Variants in PPP4R2 observed in about 807,000 individuals in gnomAD.
The protein encoded by PPP4R2 is protein phosphatase 4 regulatory subunit 2.
PPP4R2 carries 13 observed loss-of-function variants against 47.2 expected under a neutral mutation model. The ratio of observed to expected loss-of-function variants is 0.28; its 90% CI spans 0.18 to 0.44. PPP4R2 has a LOEUF of 0.44. Ranked by LOEUF, PPP4R2 falls within the 20% of genes least tolerant of loss-of-function variation. The pLI, the probability that PPP4R2 is intolerant of heterozygous loss-of-function variation, is 1.00. For synonymous variants in PPP4R2, 151 were observed against 163.3 expected (o/e 0.92, Z 0.57); for missense variants, 421 against 491.2 (o/e 0.86, Z 1.35).
chr3:73,050,463 A>G (rs1414973992), intron 3 of PPP4R2, among the ~76,000 whole-genome samples: 3 of 151,972 alleles, frequency 2.0e-5, no homozygotes, highest in Admixed American at 1.3e-4. Context: ...TTATATATAT[A>G]TAGTTTTTTA....
chr3:73,006,181 T>G (rs1249926679), intron 2 of PPP4R2, among the ~76,000 whole-genome samples: 2 of 145,880 alleles, frequency 1.4e-5, no homozygotes, highest in Non-Finnish European at 3.0e-5. Flanking sequence ...ATCGTATGAA[T>G]ATGCCACAAT....
intron 2 of PPP4R2, among the ~76,000 whole-genome samples, chr3:73,019,076 T>G (rs1701907208): frequency 6.6e-6 from 1 of 152,200 alleles, no homozygotes; most frequent in Non-Finnish European, 1.5e-5. Flanking sequence ...TATATGATGG[T>G]GGTCCTATAA....
At chr3:73,033,681 A>G (rs140771595) in intron 2 of PPP4R2, among the ~76,000 whole-genome samples, 2 of 152,324 alleles carry the variant, frequency 1.3e-5, no homozygotes, top group Non-Finnish European at 2.9e-5. Flanking sequence ...CCCATTAAAC[A>G]ATAATGACCA....
At chr3:73,043,129 ATTAAT>A (rs1479311562) in intron 2 of PPP4R2, among the ~76,000 whole-genome samples, 2 of 152,210 alleles carry the variant, frequency 1.3e-5, no homozygotes, top group Middle Eastern at 3.2e-3. Flanking sequence ...ACAAAAAATT[ATTAAT>A]TTAAGAAATG....
chr3:73,030,329 A>G (rs149677609), intron 2 of PPP4R2, among the ~76,000 whole-genome samples: 3 of 152,328 alleles, frequency 2.0e-5, no homozygotes, highest in Non-Finnish European at 4.4e-5. Context: ...GTACATGTAC[A>G]TGACAGTAGG....
intron 3 of PPP4R2, among the ~76,000 whole-genome samples, chr3:73,050,398 T>C (rs1024830365): frequency 2.0e-5 from 3 of 152,018 alleles, no homozygotes; most frequent in Admixed American, 6.6e-5. Flanking sequence ...TTGTCTGTAT[T>C]TTAATATATT....
intron 2 of PPP4R2, among the ~76,000 whole-genome samples, chr3:73,022,768 CTTTTTT>C (rs72246096): frequency 7.3e-6 from 1 of 136,996 alleles, no homozygotes; most frequent in East Asian, 2.1e-4. Context: ...TGCCGCATTT[CTTTTTT>C]TTTTTTTTTT....
chr3:73,013,493 A>AAAG (rs1236788480), intron 2 of PPP4R2, among the ~76,000 whole-genome samples: 1 of 34,638 alleles, frequency 2.9e-5, no homozygotes, highest in East Asian at 6.0e-4. Flanking sequence ...ATGTAAGAAA[A>AAAG]AAAATCAAAC....
chr3:73,014,646 A>G (rs1701786866), intron 2 of PPP4R2, among the ~76,000 whole-genome samples: 1 of 152,238 alleles, frequency 6.6e-6, no homozygotes, highest in African/African-American at 2.4e-5. Flanking sequence ...AAAATGCTTT[A>G]TTTAATTTGC....
intron 2 of PPP4R2, among the ~76,000 whole-genome samples, chr3:73,036,139 C>G (rs1315013098): frequency 1.3e-5 from 2 of 152,022 alleles, no homozygotes; most frequent in Non-Finnish European, 1.5e-5. Context: ...TGAAATAAGC[C>G]AGGCACAGAA....
intron 2 of PPP4R2, among the ~76,000 whole-genome samples, chr3:73,044,052 CAG>C (rs1234613964): frequency 6.6e-6 from 1 of 152,056 alleles, no homozygotes; most frequent in African/African-American, 2.4e-5. Context: ...TAATCCATGT[CAG>C]AATTTCTTTC....
intron 2 of PPP4R2, among the ~76,000 whole-genome samples, chr3:73,012,806 T>A (rs551494739): frequency 6.6e-6 from 1 of 152,282 alleles, no homozygotes; most frequent in South Asian, 2.1e-4. Context: ...TCAAAGAGAT[T>A]TGTTAACTGG....
intron 2 of PPP4R2, among the ~76,000 whole-genome samples, chr3:73,002,946 G>T (rs1488879276): frequency 6.6e-6 from 1 of 151,802 alleles, no homozygotes; most frequent in Admixed American, 6.6e-5. Context: ...CTGGCCCAGG[G>T]TTTTTATAAC....
At chr3:73,017,593 T>C (rs780757448) in intron 2 of PPP4R2, among the ~76,000 whole-genome samples, 21 of 152,330 alleles carry the variant, frequency 1.4e-4, no homozygotes, top group Non-Finnish European at 2.2e-4. Flanking sequence ...CTGTCATCTT[T>C]CAGAATTAAG....
chr3:73,003,196 T>C (rs561497459), intron 2 of PPP4R2, among the ~76,000 whole-genome samples: 2 of 148,596 alleles, frequency 1.3e-5, no homozygotes, highest in Admixed American at 6.8e-5. Flanking sequence ...AGCATATTGC[T>C]ATTACGTAAC....
At chr3:73,008,682 C>G (rs766002422) in intron 2 of PPP4R2, among the ~76,000 whole-genome samples, 3 of 152,244 alleles carry the variant, frequency 2.0e-5, no homozygotes, top group Middle Eastern at 6.8e-3. Context: ...TTAGTTGTTT[C>G]AACTGTTGTG....
intron 2 of PPP4R2, among the ~76,000 whole-genome samples, chr3:73,039,371 C>T (rs553778678): frequency 6.6e-6 from 1 of 152,322 alleles, no homozygotes; most frequent in Admixed American, 6.5e-5. Flanking sequence ...GATCCATCCA[C>T]CTGGGCCTCC....
At chr3:73,050,266 G>A (rs570856014) in intron 3 of PPP4R2, among the ~76,000 whole-genome samples, 1 of 152,044 alleles carries the variant, frequency 6.6e-6, no homozygotes, top group East Asian at 1.9e-4. Flanking sequence ...CGCCTGGCCC[G>A]AACTTACATT....
chr3:73,024,518 A>T (rs1304989421), intron 2 of PPP4R2, among the ~76,000 whole-genome samples: 2 of 152,134 alleles, frequency 1.3e-5, no homozygotes, highest in Non-Finnish European at 2.9e-5. Context: ...TAAATGGTTC[A>T]TTTGGGAATG....
Sources: allele counts gnomAD v4.1 joint callset (sites outside exome capture counted in the v4.1 genomes callset), GRCh38; gene constraint gnomAD v4.1.1; transcripts MANE v1.5; gene names NCBI Gene and HGNC (gene_info 2026-07-23, HGNC 2026-07-21).